The following RALGAPA2 variants were observed in gnomAD, a reference collection of about 807,000 sequenced individuals.
The protein encoded by RALGAPA2 is ral GTPase-activating protein subunit alpha-2.
RALGAPA2 carries 139 observed loss-of-function variants against 230.4 expected under a neutral mutation model. That is an observed-to-expected ratio of 0.60 (90% CI 0.53 to 0.69). RALGAPA2 has a LOEUF of 0.69. RALGAPA2 is among the 30% of genes least tolerant of loss of function. RALGAPA2 has a pLI of 0.00. For synonymous variants in RALGAPA2, 847 were observed against 837.8 expected, an observed-to-expected ratio of 1.01 and a Z score of -0.19; for missense variants, 2,163 against 2,276.0, an observed-to-expected ratio of 0.95 and a Z score of 1.01.
chr20:20,642,004 C>T (rs1254853767), intron 5 of RALGAPA2, among the ~76,000 whole-genome samples: 3 of 150,946 alleles, frequency 2.0e-5, no homozygotes, highest in Non-Finnish European at 1.5e-5. Flanking sequence ...TCCTGGACTC[C>T]ACCACTGTTC....
chr20:20,519,534 C>G (rs1288401338), intron 31 of RALGAPA2, among the ~76,000 whole-genome samples: 1 of 152,222 alleles, frequency 6.6e-6, no homozygotes, highest in East Asian at 1.9e-4. Context: ...CTGGACCCAC[C>G]ACTCTGGTGA....
intron 34 of RALGAPA2, 172 bp downstream of exon 34, chr20:20,505,239 A>C: frequency 1.1e-6 from 1 of 932,544 alleles, no homozygotes; most frequent in Non-Finnish European, 1.3e-6. Flanking sequence ...TCATGTATTA[A>C]ATACTGACAA....
intron 14 of RALGAPA2, among the ~76,000 whole-genome samples, chr20:20,606,950 G>A (rs1485713691): frequency 6.6e-6 from 1 of 152,128 alleles, no homozygotes; most frequent in Non-Finnish European, 1.5e-5. Flanking sequence ...CATCTCAAAT[G>A]AGCCACAAAT....
chr20:20,511,437 C>G (rs2062701935), intron 32 of RALGAPA2, 112 bp from the exon 33 acceptor site: 1 of 1,421,754 alleles, frequency 7.0e-7, no homozygotes, highest in African/African-American at 1.5e-5. Context: ...CCACCTCACT[C>G]ACAAAAGATT....
At position 20,536,679 on chromosome 20, in the gene RALGAPA2, T is replaced by C. The variant is rs2063506304; in HGVS notation, c.3391A>G (p.Ile1131Val). The C allele has an allele frequency of 1.2e-6, 2 of 1,612,826 alleles. No individual in the cohort carries two copies. Among genetic ancestry groups the C allele is most frequent in the Non-Finnish European group, 8.5e-7 (1 of 1,179,104 alleles). The change falls in exon 25 of 40, where the codon ATT becomes GTT. Residue 1131 changes from isoleucine (I) to valine (V), a missense_variant. Transcript: ENST00000202677. ...ACCTTGACATCTTCAGTTCCTGTAA[T>C]GGCCTCATTTACTTCTGGCACTGAC... ...LQSVPEVNEA[I>V]TGTEDVKHYL...
chr20:20,452,221 AAAT>A (rs773195050), intron 37 of RALGAPA2, among the ~76,000 whole-genome samples: 20 of 152,236 alleles, frequency 1.3e-4, no homozygotes, highest in Non-Finnish European at 2.1e-4. Flanking sequence ...AAAGTAAAGC[AAAT>A]CGTTTCATAC....
rs185458473 is a variant in RALGAPA2 at position 20,694,698 on chromosome 20, G to A, written c.107-13897C>T. ...CTTACTGATGTGGAAAAATATCCAA[G>A]GCTTTAAGTCAAAAACACAGTGTTA... On this transcript the variant is annotated intron_variant, in intron 1 of 39. Transcript: ENST00000202677. Among the ~76,000 whole-genome samples the A allele has an allele frequency of 3.9e-5, 6 of 152,212 alleles. No individual in the cohort carries two copies. The East Asian group carries it at 7.7e-4, about 20-fold the overall frequency.
intron 35 of RALGAPA2, among the ~76,000 whole-genome samples, chr20:20,500,564 C>G (rs1199465465): frequency 3.9e-5 from 6 of 152,230 alleles, no homozygotes; most frequent in Non-Finnish European, 8.8e-5. Flanking sequence ...AGTTCTCTTG[C>G]TATTTCTGCT....
chr20:20,641,321 G>A (rs557647739), intron 5 of RALGAPA2, among the ~76,000 whole-genome samples: 4 of 152,202 alleles, frequency 2.6e-5, no homozygotes, highest in South Asian at 2.1e-4. Context: ...CAGTACCCAC[G>A]GCCTCAATTA....
intron 37 of RALGAPA2, among the ~76,000 whole-genome samples, chr20:20,454,228 A>C (rs1345455563): frequency 1.3e-5 from 2 of 152,236 alleles, no homozygotes; most frequent in African/African-American, 4.8e-5. Context: ...CATAGAGTTT[A>C]AAAGGCCACA....
At chr20:20,498,659 A>G (rs763378379) in intron 35 of RALGAPA2, among the ~76,000 whole-genome samples, 23 of 152,186 alleles carry the variant, frequency 1.5e-4, no homozygotes, top group Non-Finnish European at 3.4e-4. Context: ...TGCCCATCCT[A>G]AAATCTAAGT....
In RALGAPA2 at chr20:20,572,877, T is replaced by C. The variant is rs889268273; in HGVS notation, c.2899A>G (p.Lys967Glu). Reference protein sequence around the residue: ...YLYELWYKLAKIRDNLAISLD... With the variant: ...YLYELWYKLAEIRDNLAISLD... ...AAAAGTAACATAGCAGAACTTACCT[T>C]TGCTAGTTTGTACCAGAGTTCATAG... Residue 967 changes from lysine (K) to glutamate (E), a missense_variant and splice_region_variant, in exon 21 of 40, where the codon AAG becomes GAG. Transcript: ENST00000202677. 1.1e-5 allele frequency: 17 copies of C among 1,526,670 alleles called. No individual in the cohort carries two copies. Among genetic ancestry groups the C allele is most frequent in the Non-Finnish European group, 1.2e-5 (14 of 1,130,056 alleles). 94.6% of individuals were successfully genotyped at this position (1,526,670 alleles called of 1,614,324 possible).
chr20:20,512,298 C>T (rs1185668092), intron 32 of RALGAPA2, among the ~76,000 whole-genome samples: 1 of 151,496 alleles, frequency 6.6e-6, no homozygotes, highest in Non-Finnish European at 1.5e-5. Context: ...AAATATCCAA[C>T]ATGTTTGGAA....
chr20:20,563,733 A>T (rs1009599178), intron 23 of RALGAPA2, among the ~76,000 whole-genome samples: 2 of 152,194 alleles, frequency 1.3e-5, no homozygotes, highest in Non-Finnish European at 2.9e-5. Context: ...GCCTTGACAG[A>T]TAATGGGAAT....
intron 37 of RALGAPA2, among the ~76,000 whole-genome samples, chr20:20,434,794 G>A (rs764458443): frequency 2.0e-5 from 3 of 152,100 alleles, no homozygotes; most frequent in Non-Finnish European, 4.4e-5. Context: ...AAACTAGATG[G>A]GTGTGATGGT....
chr20:20,691,947 T>C (rs1351035251), intron 1 of RALGAPA2, among the ~76,000 whole-genome samples: 2 of 152,120 alleles, frequency 1.3e-5, no homozygotes, highest in Non-Finnish European at 2.9e-5. Flanking sequence ...AATGACTGAG[T>C]TCTCTATTAG....
At position 20,390,663 on chromosome 20, in the gene RALGAPA2, C is replaced by T. The variant is rs1170796306; in HGVS notation, c.*2626G>A. On this transcript the variant is annotated 3_prime_UTR_variant, in exon 40 of 40. Transcript: ENST00000202677. ...CAATTTTGCTGAAAGGGATTTATTA[C>T]AAAAACACAATATTTGCTTTTCTAA... 6.7e-6 allele frequency: 1 copy of T among 150,170 alleles called. No homozygotes were observed. The highest frequency in any genetic ancestry group is 1.5e-5 in the Non-Finnish European group (1 of 67,742). 9.3% of individuals were successfully genotyped at this position (150,170 alleles called of 1,614,324 possible).
chr20:20,436,839 G>A (rs572052874), intron 37 of RALGAPA2, among the ~76,000 whole-genome samples: 20 of 152,336 alleles, frequency 1.3e-4, no homozygotes, highest in African/African-American at 3.1e-4. Context: ...TGCCCACTAC[G>A]TCCTGCCAGA....
chr20:20,529,300 G>C (rs1398819106), intron 27 of RALGAPA2, among the ~76,000 whole-genome samples: 1 of 152,168 alleles, frequency 6.6e-6, no homozygotes, highest in Non-Finnish European at 1.5e-5. Context: ...GGATTCAACA[G>C]GACAATCTCC....
Sources: gnomAD v4.1 joint callset for allele counts (sites outside exome capture counted in the v4.1 genomes callset) on GRCh38, gnomAD v4.1.1 for gene constraint, MANE v1.5 for transcripts, NCBI Gene and HGNC (gene_info 2026-07-23, HGNC 2026-07-21) for gene names.